Variants in TTC7A observed in about 807,000 individuals in gnomAD.
The protein encoded by TTC7A is tetratricopeptide repeat domain 7A.
A neutral mutation model predicts 103.7 loss-of-function variants in TTC7A; 110 were observed. That is an observed-to-expected ratio of 1.06 (90% confidence interval 0.91 to 1.24). The LOEUF is 1.24. TTC7A is among the 50% of genes most tolerant of loss of function. The probability of loss-of-function intolerance (pLI) is 0.00; values close to 1 mark genes in which losing one functional copy is unlikely to be tolerated. For missense variants in TTC7A, 1,340 were observed against 1,116.3 expected, an observed-to-expected ratio of 1.20 and a Z score of -2.86; for synonymous variants, 521 against 467.9, an observed-to-expected ratio of 1.11 and a Z score of -1.47.
At chr2:47,012,897 G>T (rs970013776) in intron 11 of TTC7A, among the ~76,000 whole-genome samples, 1 of 152,194 alleles carries the variant, frequency 6.6e-6, no homozygotes, top group Non-Finnish European at 1.5e-5. Flanking sequence ...GTGGCATCTG[G>T]CTCGTGTTCT....
intron 18 of TTC7A, 116 bp downstream of exon 18, chr2:47,051,996 C>T (rs554344782): frequency 4.8e-5 from 65 of 1,356,828 alleles, no homozygotes; most frequent in Middle Eastern, 2.6e-4. Flanking sequence ...TAGGCCCACG[C>T]GGGTTACAGA....
At chr2:46,995,269 GT>G in intron 8 of TTC7A, 70 bp downstream of exon 8, 8 of 1,526,316 alleles carry the variant, frequency 5.2e-6, no homozygotes, top group Admixed American at 1.7e-5. Context: ...TGGGGCCCAG[GT>G]ACAGGCCACC....
At chr2:47,063,409 T>C (rs1430578716) in intron 19 of TTC7A, among the ~76,000 whole-genome samples, 1 of 152,222 alleles carries the variant, frequency 6.6e-6, no homozygotes, top group African/African-American at 2.4e-5. Flanking sequence ...TCACAGCACC[T>C]TTTTCCCACT....
At chr2:46,920,677 C>T (rs1477250982) in intron 2 of TTC7A, among the ~76,000 whole-genome samples, 1 of 150,978 alleles carries the variant, frequency 6.6e-6, no homozygotes, top group Non-Finnish European at 1.5e-5. Flanking sequence ...ATAAATTTAT[C>T]AAAAATTTTG....
chr2:47,045,023 T>C (rs770406060), intron 15 of TTC7A, among the ~76,000 whole-genome samples: 1 of 152,198 alleles, frequency 6.6e-6, no homozygotes, highest in Non-Finnish European at 1.5e-5. Context: ...GCCTGTGTGC[T>C]ACCCTCAGGT....
chr2:46,987,809 CGTGTGTGTGTGTGTGT>C (rs34664382), intron 5 of TTC7A, among the ~76,000 whole-genome samples: 3 of 144,550 alleles, frequency 2.1e-5, no homozygotes, highest in African/African-American at 7.8e-5. Flanking sequence ...CCTTTCCGCG[CGTGTGTGTGTGTGTGT>C]GTGTGTGTGT....
intron 11 of TTC7A, among the ~76,000 whole-genome samples, chr2:47,018,262 A>T (rs1230009625): frequency 6.8e-6 from 1 of 146,574 alleles, no homozygotes; most frequent in African/African-American, 2.5e-5. Flanking sequence ...AGTGGGTGAC[A>T]GAGTGAGAGT....
At chr2:46,917,346 T>G (rs1668864364) in intron 2 of TTC7A, 1 of 603,870 alleles carries the variant, frequency 1.7e-6, no homozygotes, top group African/African-American at 1.9e-5. Context: ...AGACCCATTC[T>G]TCTTTCCTTA....
intron 11 of TTC7A, among the ~76,000 whole-genome samples, chr2:47,019,709 A>AT (rs1166488698): frequency 1.3e-5 from 2 of 151,734 alleles, no homozygotes; most frequent in East Asian, 3.9e-4. Flanking sequence ...CCCTCTCTGC[A>AT]TGGGTTGCAG....
In TTC7A at chr2:46,957,211, C is replaced by T. The variant is rs530485814; in HGVS notation, c.517+204C>T. On this transcript the variant is annotated intron_variant, in intron 3 of 19. Transcript: ENST00000319190. ...TGGGACGTTAGGAGACTCAGATTCT[C>T]GCCCTGGCTCTGTCAACAACAATTA... 3.9e-5 allele frequency among the ~76,000 whole-genome samples: 6 copies of T among 152,352 alleles called. No homozygotes were observed. The East Asian group carries it at 7.7e-4, about 20-fold the overall frequency.
intron 10 of TTC7A, among the ~76,000 whole-genome samples, chr2:47,009,463 G>A (rs766244415): frequency 3.2e-4 from 49 of 152,096 alleles, no homozygotes; most frequent in Non-Finnish European, 6.3e-4. Flanking sequence ...AAAGACACCC[G>A]CAATTAACCT....
chr2:46,996,837 G>C (rs1437213571), intron 8 of TTC7A, among the ~76,000 whole-genome samples: 1 of 152,170 alleles, frequency 6.6e-6, no homozygotes, highest in African/African-American at 2.4e-5. Context: ...CTGAATCCTA[G>C]TTTTGAAATA....
chr2:46,981,881 TGTG>T (rs1247133150), intron 5 of TTC7A, among the ~76,000 whole-genome samples: 1 of 152,184 alleles, frequency 6.6e-6, no homozygotes, highest in Non-Finnish European at 1.5e-5. Context: ...TGGAACAGGC[TGTG>T]GTGAGGTCAC....
chr2:47,047,164 T>A lies in TTC7A; in HGVS notation c.1919+733T>A, dbSNP rs1250136658. On this transcript the variant is annotated intron_variant, in intron 16 of 19. Transcript: ENST00000319190. ...TGGGCCTCCTTCAGGTCAGGAGCCC[T>A]GCCTCTTCCTGATCCTCTTGTCCTT... 4 of 689,594 alleles carry A rather than the reference T, an allele frequency of 5.8e-6. No homozygotes were observed. The East Asian group carries it at 8.2e-5, about 14-fold the overall frequency. 42.7% of individuals were successfully genotyped at this position (689,594 alleles called of 1,614,324 possible).
chr2:47,030,431 T>G (rs901797152), intron 15 of TTC7A, among the ~76,000 whole-genome samples: 9 of 152,216 alleles, frequency 5.9e-5, no homozygotes, highest in Non-Finnish European at 1.3e-4. Context: ...CCTGCATCCT[T>G]GGCCTCCTTC....
chr2:47,047,058 T>C lies in TTC7A; in HGVS notation c.1919+627T>C, dbSNP rs1468552828. 3 of 557,724 alleles carry C rather than the reference T, an allele frequency of 5.4e-6. No homozygotes were observed. The African/African-American group carries it at 5.7e-5, about 11-fold the overall frequency. 34.5% of individuals were successfully genotyped at this position (557,724 alleles called of 1,614,324 possible). ...TTCATGGGCCAGAGCAGGGCACTCTTGTCCAGGCTGAATCTGCAGGAAGTC... is the reference window on the plus strand; with the variant it reads ...TTCATGGGCCAGAGCAGGGCACTCTCGTCCAGGCTGAATCTGCAGGAAGTC... On this transcript the variant is annotated intron_variant, in intron 16 of 19. Coordinates refer to ENST00000319190, the MANE Select transcript of TTC7A (RefSeq NM_020458.4).
intron 1 of TTC7A, chr2:46,917,067 A>G (rs1668840367): frequency 1.5e-6 from 1 of 652,496 alleles, no homozygotes; most frequent in African/African-American, 1.8e-5. Flanking sequence ...AAAGTTGCCT[A>G]ACGCCACTGC....
At chr2:47,045,980 TA>T (rs1682273169) in intron 15 of TTC7A, among the ~76,000 whole-genome samples, 1 of 152,008 alleles carries the variant, frequency 6.6e-6, no homozygotes, top group African/African-American at 2.4e-5. Flanking sequence ...AGGATGTGGG[TA>T]GGAAGAGCAA....
rs201913059 is a variant in TTC7A at position 47,011,407 on chromosome 2, C to T, written c.1364C>T (p.Ala455Val). The change falls in exon 11 of 20, where the codon GCG (alanine) becomes GTG (valine). Residue 455 changes from alanine (A) to valine (V), a missense_variant. Physicochemically the swap from Ala to Val is moderately conservative, Grantham distance 64 (BLOSUM62 0). Transcript: ENST00000319190. ...GACCCCACCGTGCCCCTGATGGCCGCGAAGGTCTGCATCGGGTCCCTTCGC... is the reference window on the plus strand; with the variant it reads ...GACCCCACCGTGCCCCTGATGGCCGTGAAGGTCTGCATCGGGTCCCTTCGC... The part of the protein sequence containing the change: ...PSDPTVPLMA[A>V]KVCIGSLRWL... 5.7e-5 allele frequency: 91 copies of T among 1,609,904 alleles called. No homozygotes were observed. Among genetic ancestry groups the T allele is most frequent in the Non-Finnish European group, 7.0e-5 (83 of 1,179,880 alleles).
Sources: allele counts gnomAD v4.1 joint callset (sites outside exome capture counted in the v4.1 genomes callset), GRCh38; gene constraint gnomAD v4.1.1; transcripts MANE v1.5; gene names NCBI Gene and HGNC (gene_info 2026-07-23, HGNC 2026-07-21).